WDR48: variants seen among roughly 807,000 people sequenced by gnomAD.
The protein encoded by WDR48 is WD repeat domain 48, also known as WD repeat-containing protein 48.
In WDR48, 22 loss-of-function variants were observed where a neutral mutation model predicts 94.0. The observed-to-expected ratio is 0.23, with a 90% confidence interval of 0.17 to 0.33. The LOEUF is 0.33. Ranked by LOEUF, WDR48 falls within the 10% of genes least tolerant of loss-of-function variation. The pLI is 1.00. For missense variants in WDR48, 541 were observed against 813.8 expected (o/e 0.66, Z 4.08); for synonymous variants, 278 against 280.5 (o/e 0.99, Z 0.09).
intron 7 of WDR48, among the ~76,000 whole-genome samples, chr3:39,072,606 G>T (rs931317143): frequency 2.6e-5 from 4 of 152,166 alleles, no homozygotes; most frequent in Non-Finnish European, 1.5e-5. Context: ...CCTGATTAGG[G>T]CTACAGACTA....
chr3:39,093,476 C>T (rs1240988388), intron 17 of WDR48, among the ~76,000 whole-genome samples: 4 of 152,228 alleles, frequency 2.6e-5, no homozygotes, highest in African/African-American at 7.2e-5. Context: ...GAATTACAGG[C>T]GTGCACCACC....
intron 16 of WDR48, chr3:39,090,228 G>A (rs928048808): frequency 6.6e-6 from 1 of 152,086 alleles, no homozygotes; most frequent in African/African-American, 2.4e-5. Flanking sequence ...TTAATAGTGA[G>A]GTTAAGCATC....
chr3:39,082,357 C>T (rs2034580575), intron 11 of WDR48, among the ~76,000 whole-genome samples: 1 of 151,920 alleles, frequency 6.6e-6, no homozygotes, highest in Non-Finnish European at 1.5e-5. Flanking sequence ...CCTCAGCTCA[C>T]TGCAACCTCT....
intron 1 of WDR48, among the ~76,000 whole-genome samples, chr3:39,053,144 T>G (rs909904600): frequency 6.6e-6 from 1 of 152,272 alleles, no homozygotes; most frequent in Non-Finnish European, 1.5e-5. Context: ...GTGCATTTAT[T>G]CATTAAACAT....
In WDR48 at chr3:39,094,631, T is replaced by G. The variant is rs1374546687; in HGVS notation, c.1939-17T>G. ...TTAGAGACTTTGAAATTTTTAAATT[T>G]AATTTTGGCTATTCAGGTTTTGGAT... On this transcript the variant is annotated splice_polypyrimidine_tract_variant and intron_variant, in intron 18 of 18. Transcript: ENST00000302313. 1 of 1,613,962 alleles carries G rather than the reference T, an allele frequency of 6.2e-7. No individual in the cohort carries two copies. The highest frequency in any genetic ancestry group is 1.3e-5 in the African/African-American group (1 of 75,030).
chr3:39,059,597 A>AAAAC (rs542540469), intron 1 of WDR48, among the ~76,000 whole-genome samples: 6 of 152,234 alleles, frequency 3.9e-5, no homozygotes, highest in Non-Finnish European at 8.8e-5. Flanking sequence ...TCTCCTTTAA[A>AAAAC]AAACAAACAA....
In WDR48 at chr3:39,066,814, A is replaced by T. The variant is rs745754471; in HGVS notation, c.420A>T (p.Gln140His). Residue 140 changes from glutamine (Q) to histidine (H), a missense_variant, in exon 5 of 19, where the codon CAA (glutamine) becomes CAT (histidine). Gln to His is a conservative substitution (Grantham distance 24, BLOSUM62 0). Coordinates refer to ENST00000302313, the MANE Select transcript of WDR48 (RefSeq NM_020839.4). The stretch of plus-strand genomic sequence containing the variant: ...TAGCATCAGCTGGGTTGGACAGACA[A>T]ATATTCCTTTGGGATGTGAATACTC... Reference protein sequence around the residue: ...ELVASAGLDRQIFLWDVNTLT... With the variant: ...ELVASAGLDRHIFLWDVNTLT... The T allele has an allele frequency of 1.9e-6, 3 of 1,613,940 alleles. No homozygotes were observed. The highest frequency in any genetic ancestry group is 2.5e-6 in the Non-Finnish European group (3 of 1,179,936).
chr3:39,092,030 T>C (rs2035097188), intron 17 of WDR48, among the ~76,000 whole-genome samples: 1 of 152,086 alleles, frequency 6.6e-6, no homozygotes. Context: ...AGTAAAAAAA[T>C]TAGCTGGGCA....
intron 18 of WDR48, 179 bp from the exon 19 acceptor site, chr3:39,094,469 A>AC: frequency 6.5e-7 from 1 of 1,534,426 alleles, no homozygotes; most frequent in Non-Finnish European, 8.7e-7. Context: ...CAAAAGATGT[A>AC]CATCTCACTA....
At chr3:39,066,017 A>G in intron 3 of WDR48, 128 bp downstream of exon 3, 3 of 593,726 alleles carry the variant, frequency 5.1e-6, no homozygotes, top group Admixed American at 7.8e-5. Flanking sequence ...ACAATTTTAG[A>G]AAGTGAATAC....
intron 1 of WDR48, among the ~76,000 whole-genome samples, chr3:39,054,986 G>T (rs1482298371): frequency 2.0e-5 from 3 of 152,192 alleles, no homozygotes; most frequent in Non-Finnish European, 4.4e-5. Context: ...TTTGAAATAT[G>T]CACAACTTTG....
chr3:39,089,157 C>T (rs539808148), intron 15 of WDR48, 74 bp from the exon 16 acceptor site: 58 of 1,358,954 alleles, frequency 4.3e-5, no homozygotes, highest in East Asian at 7.2e-5. Flanking sequence ...GGGTTCCTCC[C>T]GCTAATATTT....
intron 11 of WDR48, among the ~76,000 whole-genome samples, chr3:39,081,769 C>T (rs1194848790): frequency 6.6e-6 from 1 of 152,192 alleles, no homozygotes; most frequent in Admixed American, 6.5e-5. Context: ...GTATATGGGT[C>T]TGTTGCCCAC....
chr3:39,087,931 A>G, intron 14 of WDR48, 197 bp from the exon 15 acceptor site: 2 of 554,044 alleles, frequency 3.6e-6, no homozygotes, highest in South Asian at 4.5e-5. Context: ...CATTTTTTCC[A>G]TGAAATAGAC....
At chr3:39,069,529 G>T (rs1265167737) in intron 6 of WDR48, 114 bp from the exon 7 acceptor site, 1 of 880,382 alleles carries the variant, frequency 1.1e-6, no homozygotes, top group Non-Finnish European at 1.7e-6. Flanking sequence ...ATTGGCAGAA[G>T]TGGTATTGCC....
At chr3:39,069,771 C>T in intron 7 of WDR48, 27 bp downstream of exon 7, 1 of 1,584,580 alleles carries the variant, frequency 6.3e-7, no homozygotes, top group Non-Finnish European at 8.6e-7. Context: ...GGGTGTTTAC[C>T]TAATAACCTT....
intron 8 of WDR48, among the ~76,000 whole-genome samples, chr3:39,075,190 CT>C (rs11353487): frequency 0.33 from 36,679 of 110,302 alleles, 5,661 homozygotes; most frequent in Non-Finnish European, 0.39. Flanking sequence ...TTGTGTTTTG[CT>C]TTTTTTTTTT....
Position 39,074,849 on chromosome 3 carries a change from C to T in WDR48, c.796C>T (p.His266Tyr). ...WALQVNDAFT[H>Y]VYSGGRDRKI... ...GCTGCAAGTCAATGATGCCTTCACA[C>T]ATGTGTATTCTGGTGGAAGGGACAG... The change falls in exon 8 of 19, where the codon CAT becomes TAT. Residue 266 changes from histidine to tyrosine, a missense_variant. His to Tyr is a moderately conservative substitution (Grantham distance 83). Transcript: ENST00000302313. 6.2e-7 allele frequency: 1 copy of T among 1,614,192 alleles called. No homozygotes were observed. Among genetic ancestry groups the T allele is most frequent in the Admixed American group, 1.7e-5 (1 of 60,028 alleles).
chr3:39,078,369 AT>A, intron 10 of WDR48, 130 bp downstream of exon 10: 1 of 674,412 alleles, frequency 1.5e-6, no homozygotes, highest in Non-Finnish European at 2.5e-6. Flanking sequence ...ACATTGGTTT[AT>A]TTTTAATATA....
Sources: allele counts gnomAD v4.1 joint callset (sites outside exome capture counted in the v4.1 genomes callset), GRCh38; gene constraint gnomAD v4.1.1; transcripts MANE v1.5; gene names NCBI Gene and HGNC (gene_info 2026-07-23, HGNC 2026-07-21).